The following SLIT2 variants were observed in gnomAD, a reference collection of about 807,000 sequenced individuals.
SLIT2 encodes slit guidance ligand 2.
In SLIT2, 41 loss-of-function variants were observed where a neutral mutation model predicts 185.7. That is an observed-to-expected ratio of 0.22 (90% CI 0.17 to 0.29). The LOEUF is 0.29. Among genes scored for constraint, SLIT2 ranks in the 10% least tolerant of loss-of-function variants. The pLI, the probability that SLIT2 is intolerant of heterozygous loss-of-function variation, is 1.00. For missense variants in SLIT2, 1,571 were observed against 1,909.0 expected (o/e 0.82, Z 3.30); for synonymous variants, 693 against 680.2 (o/e 1.02, Z -0.29).
intron 4 of SLIT2, among the ~76,000 whole-genome samples, chr4:20,368,972 A>G (rs1004455885): frequency 6.6e-6 from 1 of 152,122 alleles, no homozygotes; most frequent in African/African-American, 2.4e-5. Flanking sequence ...GAGACAGAAA[A>G]CAACTTTGCT....
At chr4:20,287,440 T>C (rs537900077) in intron 4 of SLIT2, among the ~76,000 whole-genome samples, 8 of 152,272 alleles carry the variant, frequency 5.3e-5, no homozygotes, top group African/African-American at 1.9e-4. Context: ...TGACAACACC[T>C]CCCATCCCCT....
intron 4 of SLIT2, among the ~76,000 whole-genome samples, chr4:20,426,420 T>C (rs1002338890): frequency 1.3e-5 from 2 of 152,050 alleles, no homozygotes; most frequent in Non-Finnish European, 2.9e-5. Context: ...GAAAAGGTGG[T>C]AGGGGAAAAA....
At chr4:20,336,024 A>G (rs1229116097) in intron 4 of SLIT2, among the ~76,000 whole-genome samples, 1 of 152,074 alleles carries the variant, frequency 6.6e-6, no homozygotes, top group Non-Finnish European at 1.5e-5. Context: ...AGGGATTTTC[A>G]TGACAAAAAC....
chr4:20,259,368 A>G lies in SLIT2; in HGVS notation c.323+1429A>G, dbSNP rs191146279. 1.7e-4 allele frequency among the ~76,000 whole-genome samples: 26 copies of G among 151,906 alleles called. No homozygotes were observed. The East Asian group carries it at 4.4e-3, about 26-fold the overall frequency. On this transcript the variant is annotated intron_variant, in intron 3 of 36. Transcript: ENST00000504154. ...ATAATTCAAATGTTTGGTAAAATGA[A>G]TAGATAATTTAAATTATCATTTAAA... is the stretch of plus-strand genomic sequence containing the variant.
intron 4 of SLIT2, among the ~76,000 whole-genome samples, chr4:20,409,730 C>G (rs921366332): frequency 1.3e-5 from 2 of 152,102 alleles, no homozygotes; most frequent in Admixed American, 1.3e-4. Flanking sequence ...CTCGCCAGCA[C>G]CTGTGTTTTT....
At chr4:20,442,523 C>CAAA (rs3049201) in intron 4 of SLIT2, among the ~76,000 whole-genome samples, 4 of 74,196 alleles carry the variant, frequency 5.4e-5, no homozygotes, top group Non-Finnish European at 7.9e-5. Context: ...GACTCTGTCT[C>CAAA]AAAAAAAAAA....
chr4:20,342,228 G>A (rs1465447498), intron 4 of SLIT2, among the ~76,000 whole-genome samples: 1 of 152,036 alleles, frequency 6.6e-6, no homozygotes, highest in Non-Finnish European at 1.5e-5. Context: ...CATCTGTTTA[G>A]CATTGTATGC....
chr4:20,302,181 G>A (rs1053867537), intron 4 of SLIT2, among the ~76,000 whole-genome samples: 5 of 152,110 alleles, frequency 3.3e-5, no homozygotes, highest in African/African-American at 4.8e-5. Flanking sequence ...ACTCATGTTC[G>A]AATCTATTCT....
intron 15 of SLIT2, among the ~76,000 whole-genome samples, chr4:20,527,079 T>C (rs920309009): frequency 8.5e-5 from 13 of 152,326 alleles, no homozygotes; most frequent in African/African-American, 3.1e-4. Flanking sequence ...TCTGATTCCA[T>C]TTCCACTAAG....
chr4:20,582,072 G>A (rs1726627225), intron 29 of SLIT2, among the ~76,000 whole-genome samples: 1 of 152,138 alleles, frequency 6.6e-6, no homozygotes, highest in Non-Finnish European at 1.5e-5. Flanking sequence ...AAGTGCAGAT[G>A]TCATCTGGCC....
chr4:20,307,157 TCCC>T (rs1717641237), intron 4 of SLIT2, among the ~76,000 whole-genome samples: 5 of 29,376 alleles, frequency 1.7e-4, no homozygotes, highest in African/African-American at 9.5e-4. Context: ...CCTCCCTCCC[TCCC>T]TCCTTCCTTC....
At chr4:20,340,658 C>T (rs575474527) in intron 4 of SLIT2, among the ~76,000 whole-genome samples, 139 of 152,182 alleles carry the variant, frequency 9.1e-4, no homozygotes, top group Non-Finnish European at 1.4e-3. Flanking sequence ...TGGAGTGCAG[C>T]GGCGAGATCT....
At chr4:20,568,748 TG>T in intron 28 of SLIT2, 116 bp from the exon 29 acceptor site, 1 of 849,892 alleles carries the variant, frequency 1.2e-6, no homozygotes, top group Non-Finnish European at 1.8e-6. Context: ...AATCAATTTC[TG>T]GTAGTTAAAA....
intron 4 of SLIT2, among the ~76,000 whole-genome samples, chr4:20,382,260 T>C (rs1185791669): frequency 6.6e-6 from 1 of 152,082 alleles, no homozygotes; most frequent in Non-Finnish European, 1.5e-5. Context: ...CATCCTCCAA[T>C]ATGGTGAAAT....
intron 4 of SLIT2, among the ~76,000 whole-genome samples, chr4:20,454,832 G>C (rs1482698600): frequency 6.6e-6 from 1 of 151,846 alleles, no homozygotes; most frequent in Admixed American, 6.6e-5. Context: ...ATACGTCGTG[G>C]GCAATAAAAT....
At chr4:20,492,862 T>C (rs1717901318) in intron 9 of SLIT2, among the ~76,000 whole-genome samples, 1 of 152,212 alleles carries the variant, frequency 6.6e-6, no homozygotes, top group Admixed American at 6.5e-5. Flanking sequence ...TAATTTTAGT[T>C]CACAGGACTC....
chr4:20,274,383 G>A (rs1299824590), intron 4 of SLIT2, among the ~76,000 whole-genome samples: 1 of 152,136 alleles, frequency 6.6e-6, no homozygotes, highest in Non-Finnish European at 1.5e-5. Flanking sequence ...CAACAGACTT[G>A]ATATATGGAC....
At chr4:20,466,838 T>A (rs1195220741) in intron 4 of SLIT2, among the ~76,000 whole-genome samples, 2 of 152,218 alleles carry the variant, frequency 1.3e-5, no homozygotes, top group East Asian at 3.8e-4. Context: ...TCATTGTTGC[T>A]TTAATAATTT....
chr4:20,369,690 A>G (rs895282139), intron 4 of SLIT2, among the ~76,000 whole-genome samples: 4 of 152,078 alleles, frequency 2.6e-5, no homozygotes, highest in African/African-American at 9.7e-5. Context: ...GTCACTGTCT[A>G]GGGACCTCCC....
Sources: gnomAD v4.1 joint callset for allele counts (sites outside exome capture counted in the v4.1 genomes callset) on GRCh38, gnomAD v4.1.1 for gene constraint, MANE v1.5 for transcripts, NCBI Gene and HGNC (gene_info 2026-07-23, HGNC 2026-07-21) for gene names.